Variants in GPM6A observed in about 807,000 individuals in gnomAD.
GPM6A encodes glycoprotein M6A.
GPM6A carries 7 observed loss-of-function variants against 32.1 expected under a neutral mutation model. The ratio of observed to expected loss-of-function variants is 0.22; its 90% CI spans 0.12 to 0.41. GPM6A has a LOEUF of 0.41. Ranked by LOEUF, GPM6A falls within the 10% of genes least tolerant of loss-of-function variation. The probability of loss-of-function intolerance (pLI) is 1.00; values close to 1 mark genes in which losing one functional copy is unlikely to be tolerated. For synonymous variants in GPM6A, 130 were observed against 123.4 expected (o/e 1.05, Z -0.35); for missense variants, 235 against 347.2 (o/e 0.68, Z 2.57).
intron 3 of GPM6A, among the ~76,000 whole-genome samples, chr4:175,667,599 A>T (rs1742822406): frequency 6.6e-6 from 1 of 152,190 alleles, no homozygotes; most frequent in Non-Finnish European, 1.5e-5. Context: ...CATTAATTGT[A>T]GCAAATATAC....
At chr4:175,875,568 A>G (rs1369033933) in intron 1 of GPM6A, among the ~76,000 whole-genome samples, 1 of 152,158 alleles carries the variant, frequency 6.6e-6, no homozygotes, top group Non-Finnish European at 1.5e-5. Flanking sequence ...ACTATTTTCC[A>G]CATTTTACTT....
At chr4:175,899,524 A>G (rs546249408) in intron 1 of GPM6A, among the ~76,000 whole-genome samples, 1 of 152,172 alleles carries the variant, frequency 6.6e-6, no homozygotes, top group Non-Finnish European at 1.5e-5. Context: ...AAAAACAAAC[A>G]CACAGACCAA....
chr4:175,966,277 CT>C (rs1407030897), intron 1 of GPM6A, among the ~76,000 whole-genome samples: 1 of 151,960 alleles, frequency 6.6e-6, no homozygotes, highest in African/African-American at 2.4e-5. Context: ...TGGCATGTGC[CT>C]GTAGTCAGAG....
intron 1 of GPM6A, among the ~76,000 whole-genome samples, chr4:175,966,467 C>T (rs894900329): frequency 3.3e-5 from 5 of 150,306 alleles, no homozygotes; most frequent in African/African-American, 1.2e-4. Flanking sequence ...TATTCAGAGC[C>T]TAATCCCAGT....
chr4:175,653,501 A>G (rs1174704637), intron 3 of GPM6A, among the ~76,000 whole-genome samples: 1 of 152,198 alleles, frequency 6.6e-6, no homozygotes, highest in Non-Finnish European at 1.5e-5. Flanking sequence ...TATACTTTAT[A>G]CATCTAAGAT....
At chr4:175,885,806 C>A (rs910166929) in intron 1 of GPM6A, among the ~76,000 whole-genome samples, 2 of 152,080 alleles carry the variant, frequency 1.3e-5, no homozygotes, top group Non-Finnish European at 2.9e-5. Flanking sequence ...ATGGTGAAAA[C>A]TAATTGGTCT....
At chr4:175,747,829 T>G (rs1385650955) in intron 1 of GPM6A, among the ~76,000 whole-genome samples, 2 of 152,166 alleles carry the variant, frequency 1.3e-5, no homozygotes, top group African/African-American at 4.8e-5. Context: ...TCACAAAAGA[T>G]TTCTCTGTAG....
chr4:175,780,600 T>C (rs1187058505), intron 1 of GPM6A, among the ~76,000 whole-genome samples: 1 of 152,244 alleles, frequency 6.6e-6, no homozygotes. Flanking sequence ...ACCTATTTTA[T>C]AGTTTTCGCT....
chr4:175,841,167 A>G (rs1735923736), intron 1 of GPM6A, among the ~76,000 whole-genome samples: 1 of 152,246 alleles, frequency 6.6e-6, no homozygotes, highest in South Asian at 2.1e-4. Flanking sequence ...TTGCATTTAG[A>G]TAAGCAACAT....
At chr4:175,931,123 C>T (rs1430401159) in intron 1 of GPM6A, among the ~76,000 whole-genome samples, 1 of 152,124 alleles carries the variant, frequency 6.6e-6, no homozygotes, top group Non-Finnish European at 1.5e-5. Flanking sequence ...TAACTGGGAA[C>T]TGAGATTGAG....
chr4:175,983,917 C>A (rs1312650463), intron 1 of GPM6A, among the ~76,000 whole-genome samples: 2 of 151,996 alleles, frequency 1.3e-5, no homozygotes, highest in Admixed American at 1.3e-4. Context: ...TTCTTTGTTG[C>A]AAGCTTTACA....
intron 3 of GPM6A, among the ~76,000 whole-genome samples, chr4:175,654,827 A>G (rs1434300651): frequency 6.6e-6 from 1 of 152,156 alleles, no homozygotes; most frequent in Non-Finnish European, 1.5e-5. Flanking sequence ...ATGATATGGC[A>G]GCCTGAAGCA....
rs780329543 is a variant in GPM6A, at chr4:175,701,575, A to G, written c.230T>C (p.Met77Thr). 61 of 1,607,508 alleles carry G rather than the reference A, an allele frequency of 3.8e-5. No individual in the cohort carries two copies. The highest frequency in any genetic ancestry group is 1.3e-5 in the Non-Finnish European group (15 of 1,174,196). Residue 77 changes from methionine (M) to threonine (T), a missense_variant and splice_region_variant, in exon 2 of 7, where the codon ATG (methionine) becomes ACG (threonine). Transcript: ENST00000393658. ...TAGDTLDVFT[M>T]IDIFKYVIYG... The stretch of plus-strand genomic sequence containing the variant: ...AACAAGAAATACTAGAGTGACTTAC[A>G]TGGTAAAAACATCCAGTGTGTCTCC...
chr4:175,951,347 G>T (rs954411628), intron 1 of GPM6A, among the ~76,000 whole-genome samples: 4 of 152,164 alleles, frequency 2.6e-5, no homozygotes, highest in Non-Finnish European at 5.9e-5. Context: ...AAGTGAAGAT[G>T]GAGATAAAAC....
At chr4:175,818,984 A>T (rs1357386002) in intron 1 of GPM6A, among the ~76,000 whole-genome samples, 1 of 152,230 alleles carries the variant, frequency 6.6e-6, no homozygotes, top group Admixed American at 6.5e-5. Context: ...TTATAGAAAG[A>T]TCAGTTCTAA....
chr4:175,933,162 G>T (rs535913214), intron 1 of GPM6A, among the ~76,000 whole-genome samples: 1 of 151,818 alleles, frequency 6.6e-6, no homozygotes, highest in South Asian at 2.1e-4. Flanking sequence ...TGGGCAAAAG[G>T]ATGGAATACT....
chr4:175,901,364 A>G (rs1311586815), intron 1 of GPM6A, among the ~76,000 whole-genome samples: 2 of 152,142 alleles, frequency 1.3e-5, no homozygotes, highest in African/African-American at 2.4e-5. Flanking sequence ...TGATGTGCTT[A>G]TTTTATATTG....
At chr4:175,820,740 C>A (rs1265321574) in intron 1 of GPM6A, among the ~76,000 whole-genome samples, 1 of 151,886 alleles carries the variant, frequency 6.6e-6, no homozygotes, top group Non-Finnish European at 1.5e-5. Flanking sequence ...CTCAAGTGAT[C>A]CACCTACCTC....
chr4:175,649,567 C>A (rs1741664099), intron 4 of GPM6A, among the ~76,000 whole-genome samples: 1 of 152,062 alleles, frequency 6.6e-6, no homozygotes, highest in African/African-American at 2.4e-5. Flanking sequence ...ATTTATTATC[C>A]TACAGGAAAT....
Sources: allele counts gnomAD v4.1 joint callset (sites outside exome capture counted in the v4.1 genomes callset), GRCh38; gene constraint gnomAD v4.1.1; transcripts MANE v1.5; gene names NCBI Gene and HGNC (gene_info 2026-07-23, HGNC 2026-07-21).